DYNC2H1: variants seen among roughly 807,000 people sequenced by gnomAD.
DYNC2H1 encodes cytoplasmic dynein 2 heavy chain 1.
In DYNC2H1, 410 loss-of-function variants were observed where a neutral mutation model predicts 570.0. That is an observed-to-expected ratio of 0.72 (90% CI 0.66 to 0.78). DYNC2H1 has a LOEUF of 0.78. DYNC2H1 is among the 30% of genes least tolerant of loss of function. The pLI, the probability that DYNC2H1 is intolerant of heterozygous loss-of-function variation, is 0.00. For synonymous variants in DYNC2H1, 1,688 were observed against 1,677.6 expected (o/e 1.01, Z -0.15); for missense variants, 4,865 against 5,046.4 (o/e 0.96, Z 1.09).
rs1331801400 is a variant in DYNC2H1, at chr11:103,305,926, T to C, written c.11382+1206T>C. Among the ~76,000 whole-genome samples, 1 of 152,220 alleles carries C rather than the reference T, an allele frequency of 6.6e-6. No homozygotes were observed. The highest frequency in any genetic ancestry group is 1.5e-5 in the Non-Finnish European group (1 of 68,038). ...TCATATATGTTTTGTTTTGGGTTTT[T>C]TTTGAGACAGAATCTTGCTCTGTTA... On this transcript the variant is annotated intron_variant, in intron 77 of 88. Transcript: ENST00000375735. The surrounding 1 kb of genome is among the most constrained non-coding windows in gnomAD (Gnocchi z 4.3).
intron 87 of DYNC2H1, among the ~76,000 whole-genome samples, chr11:103,466,243 A>G (rs890386662): frequency 6.6e-6 from 1 of 152,228 alleles, no homozygotes; most frequent in African/African-American, 2.4e-5. Context: ...CATTTAGAAA[A>G]TGATAAAATT....
At position 103,145,120 on chromosome 11, in the gene DYNC2H1, A is replaced by G. The variant is rs142494141; in HGVS notation, c.2702+1725A>G. Among the ~76,000 whole-genome samples, 12 of 152,206 alleles carry G rather than the reference A, an allele frequency of 7.9e-5. No homozygotes were observed. Among genetic ancestry groups the G allele is most frequent in the African/African-American group, 2.9e-4 (12 of 41,542 alleles). ...GGTCTCCAACTCTTGACCTCAGGTG[A>G]TCTGCCCACCTTGGCCTCCCAGAGT... is the stretch of plus-strand genomic sequence containing the variant. On this transcript the variant is annotated intron_variant, in intron 18 of 88. Transcript: ENST00000375735. This position sits in a 1 kb window ranked among gnomAD's most constrained non-coding sequence, Gnocchi z 4.2.
At chr11:103,161,193 T>C in intron 29 of DYNC2H1, 149 bp downstream of exon 29, 1 of 456,586 alleles carries the variant, frequency 2.2e-6, no homozygotes, top group Admixed American at 4.5e-5. Flanking sequence ...TGATTTGTTT[T>C]GTTAGTTTCG....
Position 103,158,897 on chromosome 11 carries a change from C to A in DYNC2H1, c.4261-13C>A, listed in dbSNP as rs1481392731. The A allele has an allele frequency of 6.3e-7, 1 of 1,584,898 alleles. No individual in the cohort carries two copies. The highest frequency in any genetic ancestry group is 1.2e-5 in the South Asian group (1 of 84,228). On this transcript the variant is annotated splice_polypyrimidine_tract_variant and intron_variant, in intron 27 of 88. Transcript: ENST00000375735. ...AAAAAAAGAAAGCTATTTTTTGTTT[C>A]TATTTTTATTAGGAAAAACGCTCAG...
chr11:103,172,203 C>G (rs1861603151), intron 34 of DYNC2H1, among the ~76,000 whole-genome samples: 1 of 152,094 alleles, frequency 6.6e-6, no homozygotes, highest in Admixed American at 6.6e-5. Context: ...AATTACCTGC[C>G]TTCAAGATTT....
rs1859165425 is a variant in DYNC2H1 at position 103,129,581 on chromosome 11, G to A, written c.1953+576G>A. On this transcript the variant is annotated intron_variant, in intron 13 of 88. Transcript: ENST00000375735. The surrounding 1 kb of genome is among the most constrained non-coding windows in gnomAD (Gnocchi z 4.1). ...TGCCTGTAATCCCAGCTACTCGGGA[G>A]GCTGATGCAGGAGAATCACTTGAAC... Among the ~76,000 whole-genome samples the A allele has an allele frequency of 6.6e-6, 1 of 152,110 alleles. No individual in the cohort carries two copies. Among genetic ancestry groups the A allele is most frequent in the Admixed American group, 6.5e-5 (1 of 15,270 alleles).
In DYNC2H1 at chr11:103,184,914, A is replaced by G; in HGVS notation, c.6496A>G (p.Thr2166Ala). The G allele has an allele frequency of 6.2e-7, 1 of 1,610,680 alleles. No homozygotes were observed. Among genetic ancestry groups the G allele is most frequent in the Non-Finnish European group, 8.5e-7 (1 of 1,177,658 alleles). ...VLKQNDYVVE[T>A]SLVGTVMNGL... is the part of the protein sequence containing the mutation. ...TCAACAGAATGACTATGTGGTAGAA[A>G]CAAGTTTGGTTGGGACTGTGATGAA... The change falls in exon 41 of 89, where the codon ACA becomes GCA. Residue 2166 changes from threonine to alanine, a missense_variant. Physicochemically the swap from Thr to Ala is moderately conservative, Grantham distance 58. This residue lies in a region of DYNC2H1 where 231 missense variants were observed against 310.3 expected (regional missense o/e 0.74). Coordinates refer to ENST00000375735, the MANE Select transcript of DYNC2H1 (RefSeq NM_001377.3).
chr11:103,406,820 ATATAAT>A (rs1300491590), intron 84 of DYNC2H1: 1 of 151,862 alleles, frequency 6.6e-6, no homozygotes, highest in Non-Finnish European at 1.5e-5. Flanking sequence ...AAAATTTGAA[ATATAAT>A]TAAGATAGGG....
chr11:103,330,406 A>G (rs544556737), intron 82 of DYNC2H1, among the ~76,000 whole-genome samples: 1 of 151,806 alleles, frequency 6.6e-6, no homozygotes, highest in East Asian at 1.9e-4. Context: ...TAAAGCAGAA[A>G]TTATACTTCT....
Position 103,145,017 on chromosome 11 carries a change from A to C in DYNC2H1, c.2702+1622A>C, listed in dbSNP as rs1860169327. On this transcript the variant is annotated intron_variant, in intron 18 of 88. Coordinates refer to ENST00000375735, the MANE Select transcript of DYNC2H1 (RefSeq NM_001377.3). This position sits in a 1 kb window ranked among gnomAD's most constrained non-coding sequence, Gnocchi z 4.2. ...TGCCTCAGCCTCCTGAGTAGCTGGG[A>C]CTACAGGCACGTGCCACCACGCCTG... Among the ~76,000 whole-genome samples the C allele has an allele frequency of 6.6e-6, 1 of 151,930 alleles. No individual in the cohort carries two copies. The highest frequency in any genetic ancestry group is 1.5e-5 in the Non-Finnish European group (1 of 68,010).
Position 103,223,032 on chromosome 11 carries a change from C to T in DYNC2H1, c.9299C>T (p.Ser3100Phe). ...AAWVKANIQY[S>F]HVLERIHPLE... is the part of the protein sequence containing the mutation. ...TGGGTGAAAGCCAATATTCAGTATT[C>T]CCATGTCTTGGAACGAATTCATCCT... The change falls in exon 59 of 89, where the codon TCC becomes TTC. Residue 3100 changes from serine (S) to phenylalanine (F), a missense_variant. Physicochemically the swap from Ser to Phe is radical, Grantham distance 155. Transcript: ENST00000375735. 6 of 1,613,378 alleles carry T rather than the reference C, an allele frequency of 3.7e-6. No homozygotes were observed. Among genetic ancestry groups the T allele is most frequent in the Non-Finnish European group, 5.1e-6 (6 of 1,179,590 alleles).
intron 82 of DYNC2H1, among the ~76,000 whole-genome samples, chr11:103,348,804 A>AGGGAGGGACTTCAT (rs1939892888): frequency 6.6e-6 from 1 of 152,050 alleles, no homozygotes; most frequent in South Asian, 2.1e-4. Flanking sequence ...CCATGTGTCA[A>AGGGAGGGACTTCAT]GGGAGGGACC....
chr11:103,443,143 A>T (rs1429438248), intron 85 of DYNC2H1, among the ~76,000 whole-genome samples: 1 of 151,988 alleles, frequency 6.6e-6, no homozygotes, highest in East Asian at 1.9e-4. Context: ...AGCTATCAAA[A>T]TTTTTTATTA....
chr11:103,232,415 C>CTTTAGTTAAGAG (rs1864051102), intron 60 of DYNC2H1, among the ~76,000 whole-genome samples: 3 of 151,826 alleles, frequency 2.0e-5, no homozygotes, highest in Non-Finnish European at 4.4e-5. Context: ...CTGCTCTTAA[C>CTTTAGTTAAGAG]CATTGCACCA....
chr11:103,180,716 G>A lies in DYNC2H1; in HGVS notation c.6348-1041G>A, dbSNP rs559178124. Among the ~76,000 whole-genome samples, 196 of 151,494 alleles carry A rather than the reference G, an allele frequency of 1.3e-3. 1 individual carries two copies. The highest frequency in any genetic ancestry group is 4.5e-3 in the African/African-American group (185 of 41,254). On this transcript the variant is annotated intron_variant, in intron 39 of 88. Coordinates refer to ENST00000375735, the MANE Select transcript of DYNC2H1 (RefSeq NM_001377.3). The stretch of plus-strand genomic sequence containing the variant: ...TCTGGGACAACTGGTATGAAGCAGT[G>A]TTGTATTGGATAAACCAAGACATGT...
intron 79 of DYNC2H1, among the ~76,000 whole-genome samples, chr11:103,314,646 C>CA (rs906745241): frequency 9.3e-5 from 14 of 150,210 alleles, no homozygotes; most frequent in African/African-American, 2.4e-4. Flanking sequence ...CACTTTCCCA[C>CA]AAAAAAAAAG....
chr11:103,314,363 G>A (rs186886209), intron 79 of DYNC2H1, among the ~76,000 whole-genome samples: 266 of 152,112 alleles, frequency 1.7e-3, no homozygotes, highest in South Asian at 3.7e-3. Context: ...AAGTATCAGT[G>A]TCTATTTAAT....
chr11:103,419,939 T>C (rs573634430), intron 84 of DYNC2H1, among the ~76,000 whole-genome samples: 1 of 152,174 alleles, frequency 6.6e-6, no homozygotes, highest in South Asian at 2.1e-4. Context: ...GAGAGGAACA[T>C]AGCCAACCTG....
chr11:103,365,034 A>G (rs1940835658), intron 83 of DYNC2H1, among the ~76,000 whole-genome samples: 1 of 152,094 alleles, frequency 6.6e-6, no homozygotes, highest in Admixed American at 6.5e-5. Context: ...TTCTTTTTTA[A>G]TTTGTAGAAT....
Sources: allele counts gnomAD v4.1 joint callset (sites outside exome capture counted in the v4.1 genomes callset), GRCh38; gene constraint gnomAD v4.1.1; regional missense constraint gnomAD v4.1.1; non-coding constraint Gnocchi (gnomAD v3.1); transcripts MANE v1.5; gene names NCBI Gene and HGNC (gene_info 2026-07-23, HGNC 2026-07-21).